Variants in IPO9 observed in about 807,000 individuals in gnomAD.
IPO9 encodes importin 9.
In IPO9, 28 loss-of-function variants were observed where a neutral mutation model predicts 128.6. The observed-to-expected ratio is 0.22, with a 90% CI of 0.16 to 0.30. The LOEUF (loss-of-function observed/expected upper bound fraction) is 0.30, where lower values mean the gene tolerates loss of function less well. IPO9 is among the 10% of genes least tolerant of loss of function. The pLI is 1.00. For missense variants in IPO9, 935 were observed against 1,293.9 expected, an observed-to-expected ratio of 0.72 and a Z score of 4.26; for synonymous variants, 455 against 475.8, an observed-to-expected ratio of 0.96 and a Z score of 0.57.
rs899843127 is a variant in IPO9 at position 201,874,333 on chromosome 1, A to G, written c.2794A>G (p.Asn932Asp). 6.2e-7 allele frequency: 1 copy of G among 1,614,060 alleles called. No individual in the cohort carries two copies. The highest frequency in any genetic ancestry group is 8.5e-7 in the Non-Finnish European group (1 of 1,179,968). ...CGAGCTCTCCAACGTCATGGAGGCT[A>G]ATGCCGCTCGCCAGGCCACTCCTGC... ...INELSNVMEA[N>D]AARQATPAEW... The change falls in exon 21 of 24, where the codon AAT (asparagine) becomes GAT (aspartate). Residue 932 changes from asparagine (N) to aspartate (D), a missense_variant. Physicochemically the swap from Asn to Asp is conservative, Grantham distance 23 (BLOSUM62 1). Transcript: ENST00000361565.
chr1:201,851,684 G>A (rs961641685), intron 4 of IPO9, among the ~76,000 whole-genome samples: 2 of 152,184 alleles, frequency 1.3e-5, no homozygotes, highest in African/African-American at 4.8e-5. Flanking sequence ...TTTATTACAT[G>A]CATCAAACCA....
chr1:201,854,315 G>A (rs896595372), intron 6 of IPO9, among the ~76,000 whole-genome samples: 6 of 152,190 alleles, frequency 3.9e-5, no homozygotes, highest in Non-Finnish European at 8.8e-5. Flanking sequence ...AGCAAAGCTA[G>A]CTGAAAAATA....
intron 5 of IPO9, among the ~76,000 whole-genome samples, 160 bp from the exon 6 acceptor site, chr1:201,852,851 T>G (rs1680251344): frequency 6.6e-6 from 1 of 152,230 alleles, no homozygotes; most frequent in Non-Finnish European, 1.5e-5. Flanking sequence ...TACAGAAGTC[T>G]GCCTCCTGGA....
Position 201,868,100 on chromosome 1 carries a change from T to C in IPO9, c.1856-548T>C, listed in dbSNP as rs569418124. Among the ~76,000 whole-genome samples, 6 of 152,318 alleles carry C rather than the reference T, an allele frequency of 3.9e-5. No homozygotes were observed. The South Asian group carries it at 1.2e-3, about 32-fold the overall frequency. ...AAATAGAGGAGGATGTTTTGTTCTA[T>C]AGATAAAGAAGATTGAGCTAAAGTT... On this transcript the variant is annotated intron_variant, in intron 15 of 23. Transcript: ENST00000361565.
intron 1 of IPO9, among the ~76,000 whole-genome samples, chr1:201,831,233 T>C (rs1463415675): frequency 6.6e-6 from 1 of 152,182 alleles, no homozygotes; most frequent in Admixed American, 6.5e-5. Flanking sequence ...AAGTCACTGA[T>C]GAGAAATAGA....
intron 3 of IPO9, among the ~76,000 whole-genome samples, chr1:201,847,962 T>C (rs977227600): frequency 6.6e-6 from 1 of 152,252 alleles, no homozygotes; most frequent in African/African-American, 2.4e-5. Flanking sequence ...ACATTTGTAC[T>C]TAGTGCAGTA....
intron 6 of IPO9, among the ~76,000 whole-genome samples, chr1:201,853,969 C>T (rs1680272271): frequency 2.6e-5 from 4 of 152,312 alleles, no homozygotes; most frequent in Middle Eastern, 6.8e-3. Context: ...ATATCTTGAC[C>T]TCGTGATCCA....
chr1:201,833,899 A>G (rs1679880391), intron 1 of IPO9, among the ~76,000 whole-genome samples: 1 of 151,930 alleles, frequency 6.6e-6, no homozygotes, highest in South Asian at 2.1e-4. Context: ...AGTCCTCCCA[A>G]CCTCAGCCTC....
At chr1:201,871,372 AT>A in intron 19 of IPO9, 45 bp downstream of exon 19, 1 of 232,802 alleles carries the variant, frequency 4.3e-6, no homozygotes, top group Non-Finnish European at 6.7e-6. Context: ...CACCACTCAT[AT>A]TTCTTTTTTT....
rs1680679840 is a variant in IPO9 at position 201,872,843 on chromosome 1, T to C, written c.2592T>C (p.Cys864=). 1 of 1,613,340 alleles carries C rather than the reference T, an allele frequency of 6.2e-7. No individual in the cohort carries two copies. The highest frequency in any genetic ancestry group is 1.1e-5 in the South Asian group (1 of 90,954). ...TCCTTGCCAGCTCTGTGGCACTCTG[T>C]AAGCTGCTCCAGCATGGCATCAATG... ...YEGKVSSVAL[C]KLLQHGINAD... The change falls in exon 20 of 24, where the codon TGT becomes TGC. Residue 864 remains cysteine, a synonymous_variant. Coordinates refer to ENST00000361565, the MANE Select transcript of IPO9 (RefSeq NM_018085.5).
Position 201,872,956 on chromosome 1 carries a change from C to G in IPO9, c.2705C>G (p.Ala902Gly), listed in dbSNP as rs2102890240. The change falls in exon 20 of 24, where the codon GCC (alanine) becomes GGC (glycine). Residue 902 changes from alanine (A) to glycine (G), a missense_variant. Coordinates refer to ENST00000361565, the MANE Select transcript of IPO9 (RefSeq NM_018085.5). Reference sequence around the variant, plus strand: ...GGCATCCGCACCCGCTCTAAGTCAGCCAAAAGTGGGTGCTGCTGCGATTCT... The same window carrying G: ...GGCATCCGCACCCGCTCTAAGTCAGGCAAAAGTGGGTGCTGCTGCGATTCT... Reference protein sequence around the residue: ...DEGIRTRSKSAKNPERWTNIP... With the variant: ...DEGIRTRSKSGKNPERWTNIP... 6.2e-7 allele frequency: 1 copy of G among 1,611,106 alleles called. No individual in the cohort carries two copies. The highest frequency in any genetic ancestry group is 2.2e-5 in the East Asian group (1 of 44,810).
rs747742098 is a variant in IPO9, at chr1:201,853,021, T to C, written c.614T>C (p.Ile205Thr). 1 of 1,614,152 alleles carries C rather than the reference T, an allele frequency of 6.2e-7. No individual in the cohort carries two copies. The highest frequency in any genetic ancestry group is 1.1e-5 in the South Asian group (1 of 91,088). ...TAACCTTTCTTCCAGGTGTATGGTATTCGAACCCGTTCCCGAGCCGTGGAG... is the reference window on the plus strand; with the variant it reads ...TAACCTTTCTTCCAGGTGTATGGTACTCGAACCCGTTCCCGAGCCGTGGAG... ...KIFTMAEVYGIRTRSRAVEIF... is the reference protein window; with the variant it reads ...KIFTMAEVYGTRTRSRAVEIF... Residue 205 changes from isoleucine to threonine, a missense_variant, in exon 6 of 24, where the codon ATT (isoleucine) becomes ACT (threonine). Transcript: ENST00000361565.
At chr1:201,858,664 TAACAGATTTTAATCTCTTATTATTA>T (rs1385573830) in intron 12 of IPO9, 111 bp downstream of exon 12, 2 of 818,746 alleles carry the variant, frequency 2.4e-6, no homozygotes, top group African/African-American at 3.5e-5. Context: ...TTTAATTTAA[TAACAGATTTTAATCTCTTATTATTA>T]AAATTTCACT....
intron 13 of IPO9, 129 bp from the exon 14 acceptor site, chr1:201,863,309 GCCATCGCACT>G (rs1680484918): frequency 1.3e-6 from 1 of 750,180 alleles, no homozygotes; most frequent in African/African-American, 1.7e-5. Flanking sequence ...CCGAGATCAC[GCCATCGCACT>G]CCATCCTGGG....
In IPO9 at chr1:201,883,596, G is replaced by T. The variant is rs1167298714; in HGVS notation, c.*7542G>T. On this transcript the variant is annotated 3_prime_UTR_variant, in exon 24 of 24. Coordinates refer to ENST00000361565, the MANE Select transcript of IPO9 (RefSeq NM_018085.5). ...TTTGCAAGCTTAAGAGCATGTATGA[G>T]CAGAACCTGTGCAGACCAAGGCTTA... 6.6e-6 allele frequency: 1 copy of T among 152,224 alleles called. No individual in the cohort carries two copies. Among genetic ancestry groups the T allele is most frequent in the Admixed American group, 6.5e-5 (1 of 15,278 alleles). 9.4% of individuals were successfully genotyped at this position (152,224 alleles called of 1,614,324 possible).
chr1:201,859,227 G>A (rs1158843982), intron 13 of IPO9, among the ~76,000 whole-genome samples: 2 of 119,976 alleles, frequency 1.7e-5, no homozygotes, highest in African/African-American at 6.0e-5. Flanking sequence ...CTTTAAACCT[G>A]TCATTAACTT....
chr1:201,829,449 A>T, intron 1 of IPO9, 77 bp downstream of exon 1: 1 of 1,388,978 alleles, frequency 7.2e-7, no homozygotes, highest in Non-Finnish European at 9.5e-7. Context: ...GGCTGGGGAC[A>T]TGGGGAGCCT....
chr1:201,847,304 G>A lies in IPO9; in HGVS notation c.189G>A (p.Leu63=), dbSNP rs771087296. 8.1e-6 allele frequency: 13 copies of A among 1,614,086 alleles called. No individual in the cohort carries two copies. Among genetic ancestry groups the A allele is most frequent in the Non-Finnish European group, 1.0e-5 (12 of 1,179,980 alleles). ...TEEFGVHLAE[L]TVDPQGALAI... Reference sequence around the variant, plus strand: ...AATTTGGTGTTCACTTGGCAGAACTGACTGTAGATCCCCAGGGGGCACTGG... The same window carrying A: ...AATTTGGTGTTCACTTGGCAGAACTAACTGTAGATCCCCAGGGGGCACTGG... Residue 63 remains leucine (L), a synonymous_variant, in exon 2 of 24, where the codon CTG becomes CTA. Coordinates refer to ENST00000361565, the MANE Select transcript of IPO9 (RefSeq NM_018085.5).
intron 1 of IPO9, among the ~76,000 whole-genome samples, chr1:201,831,042 G>T (rs184676566): frequency 6.6e-6 from 1 of 151,832 alleles, no homozygotes; most frequent in African/African-American, 2.4e-5. Context: ...TCGCTCTATC[G>T]TGTAGACTTT....
Sources: allele counts gnomAD v4.1 joint callset (sites outside exome capture counted in the v4.1 genomes callset), GRCh38; gene constraint gnomAD v4.1.1; transcripts MANE v1.5; gene names NCBI Gene and HGNC (gene_info 2026-07-23, HGNC 2026-07-21).